The following ZBTB7C variants were observed in gnomAD, a reference collection of about 807,000 sequenced individuals.
ZBTB7C encodes zinc finger and BTB domain-containing protein 7C.
In ZBTB7C, 8 loss-of-function variants were observed where a neutral mutation model predicts 25.7. The ratio of observed to expected loss-of-function variants is 0.31; its 90% CI spans 0.18 to 0.56. The LOEUF is 0.56. ZBTB7C is among the 20% of genes least tolerant of loss of function. ZBTB7C has a pLI of 0.91. For synonymous variants in ZBTB7C, 394 were observed against 369.0 expected (o/e 1.07, Z -0.78); for missense variants, 824 against 855.2 (o/e 0.96, Z 0.46).
chr18:48,154,531 G>A (rs1439592014), intron 3 of ZBTB7C, among the ~76,000 whole-genome samples: 1 of 152,194 alleles, frequency 6.6e-6, no homozygotes, highest in East Asian at 1.9e-4. Context: ...AATTCTTTAA[G>A]GGTTCCCTCT....
intron 2 of ZBTB7C, among the ~76,000 whole-genome samples, chr18:48,337,414 C>T (rs937041014): frequency 6.6e-6 from 1 of 152,196 alleles, no homozygotes; most frequent in Non-Finnish European, 1.5e-5. Context: ...TCAGAACCCA[C>T]CTTTGGGGTC....
intron 2 of ZBTB7C, among the ~76,000 whole-genome samples, chr18:48,187,486 T>A (rs577540725): frequency 6.6e-6 from 1 of 152,112 alleles, no homozygotes; most frequent in Non-Finnish European, 1.5e-5. Context: ...ATTCCACTTA[T>A]ATGAGGTACC....
rs1346373571 is a variant in ZBTB7C, at chr18:48,028,851, G to A, written c.*409C>T. 1 of 192,290 alleles carries A rather than the reference G, an allele frequency of 5.2e-6. No individual in the cohort carries two copies. The highest frequency in any genetic ancestry group is 1.0e-5 in the Non-Finnish European group (1 of 96,784). The allele number at this position is 192,290 out of a possible 1,614,324, so 11.9% of individuals were successfully genotyped here. A position where few individuals can be genotyped will look rare whatever the true frequency, so the allele number is the denominator to read the frequency against. Reference sequence around the variant, plus strand: ...TGGCAGAGACTTTGCCATAGGGGGTGGGGCTTAACCAAGGTGCATGCCCAG... The same window carrying A: ...TGGCAGAGACTTTGCCATAGGGGGTAGGGCTTAACCAAGGTGCATGCCCAG... On this transcript the variant is annotated 3_prime_UTR_variant, in exon 5 of 5. Transcript: ENST00000590800.
At chr18:48,094,112 G>A (rs142643536) in intron 3 of ZBTB7C, among the ~76,000 whole-genome samples, 1 of 152,142 alleles carries the variant, frequency 6.6e-6, no homozygotes, top group Non-Finnish European at 1.5e-5. Flanking sequence ...AAACCCAAAG[G>A]GTGGCTAATT....
At chr18:48,406,815 A>G (rs927959912) in intron 1 of ZBTB7C, among the ~76,000 whole-genome samples, 1 of 152,224 alleles carries the variant, frequency 6.6e-6, no homozygotes, top group Non-Finnish European at 1.5e-5. Context: ...TTTTCATAAA[A>G]TTCTGCTGGA....
chr18:48,141,733 A>G (rs952542401), intron 3 of ZBTB7C, among the ~76,000 whole-genome samples: 1 of 152,188 alleles, frequency 6.6e-6, no homozygotes, highest in African/African-American at 2.4e-5. Flanking sequence ...GATGCTTAAC[A>G]AATGTTTAAT....
chr18:48,216,550 C>T (rs1056542809), intron 2 of ZBTB7C, among the ~76,000 whole-genome samples: 7 of 152,160 alleles, frequency 4.6e-5, no homozygotes, highest in Admixed American at 1.3e-4. Flanking sequence ...CATACACTGA[C>T]GAGTCCCAAA....
intron 3 of ZBTB7C, among the ~76,000 whole-genome samples, chr18:48,068,207 C>T (rs369829520): frequency 8.8e-5 from 13 of 148,216 alleles, no homozygotes; most frequent in African/African-American, 3.2e-4. Context: ...GGTGCAACCT[C>T]GGCTCACTGC....
intron 3 of ZBTB7C, among the ~76,000 whole-genome samples, chr18:48,067,163 C>A (rs1246973058): frequency 6.6e-6 from 1 of 152,110 alleles, no homozygotes; most frequent in Non-Finnish European, 1.5e-5. Flanking sequence ...CTATTCCCTG[C>A]CAAAATGAAT....
At chr18:48,236,804 C>T (rs1296694651) in intron 2 of ZBTB7C, among the ~76,000 whole-genome samples, 1 of 152,022 alleles carries the variant, frequency 6.6e-6, no homozygotes, top group African/African-American at 2.4e-5. Context: ...AAAGTTTGGC[C>T]CAAAGAAGCT....
At chr18:48,298,183 G>A (rs987881821) in intron 2 of ZBTB7C, among the ~76,000 whole-genome samples, 23 of 151,832 alleles carry the variant, frequency 1.5e-4, no homozygotes, top group Non-Finnish European at 7.4e-5. Context: ...GGAAGGCTGC[G>A]GCAGGAGAAT....
At chr18:48,089,136 A>G (rs1274431315) in intron 3 of ZBTB7C, among the ~76,000 whole-genome samples, 1 of 152,160 alleles carries the variant, frequency 6.6e-6, no homozygotes, top group Non-Finnish European at 1.5e-5. Flanking sequence ...TGAATTGCTG[A>G]TTGAGTGAGG....
At chr18:48,171,228 C>T (rs2041468032) in intron 3 of ZBTB7C, among the ~76,000 whole-genome samples, 1 of 152,220 alleles carries the variant, frequency 6.6e-6, no homozygotes, top group African/African-American at 2.4e-5. Flanking sequence ...GGACAAAGCC[C>T]AGCTTGTGGC....
At chr18:48,181,750 T>A (rs552929385) in intron 3 of ZBTB7C, among the ~76,000 whole-genome samples, 1 of 152,246 alleles carries the variant, frequency 6.6e-6, no homozygotes, top group African/African-American at 2.4e-5. Context: ...CCTAGTGGGG[T>A]TGCAGGTTCC....
chr18:48,122,500 G>A (rs899350027), intron 3 of ZBTB7C, among the ~76,000 whole-genome samples: 2 of 152,166 alleles, frequency 1.3e-5, no homozygotes, highest in Non-Finnish European at 2.9e-5. Context: ...AGGCCTCCAA[G>A]CAAGAGGCAC....
intron 3 of ZBTB7C, among the ~76,000 whole-genome samples, chr18:48,161,212 C>T (rs2041012059): frequency 6.6e-6 from 1 of 151,830 alleles, no homozygotes; most frequent in Non-Finnish European, 1.5e-5. Context: ...TTCACCAAGA[C>T]CCAGAGGGCC....
chr18:48,142,387 AG>A (rs1377887294), intron 3 of ZBTB7C, among the ~76,000 whole-genome samples: 1 of 151,948 alleles, frequency 6.6e-6, no homozygotes, highest in Non-Finnish European at 1.5e-5. Flanking sequence ...GGAACCTCCG[AG>A]GGGGAGGTGT....
intron 1 of ZBTB7C, among the ~76,000 whole-genome samples, chr18:48,402,177 G>A (rs1396682880): frequency 2.6e-5 from 4 of 151,558 alleles, no homozygotes; most frequent in African/African-American, 9.7e-5. Flanking sequence ...GAGTGAAGAC[G>A]TCCCCCAAAC....
At chr18:48,371,767 C>A (rs1190622913) in intron 1 of ZBTB7C, among the ~76,000 whole-genome samples, 5 of 152,194 alleles carry the variant, frequency 3.3e-5, no homozygotes, top group African/African-American at 1.2e-4. Flanking sequence ...TCCTAAAAGA[C>A]ACAAATAGGT....
Sources: gnomAD v4.1 joint callset for allele counts (sites outside exome capture counted in the v4.1 genomes callset) on GRCh38, gnomAD v4.1.1 for gene constraint, MANE v1.5 for transcripts, NCBI Gene and HGNC (gene_info 2026-07-23, HGNC 2026-07-21) for gene names.